Variants in HSP90B1 observed in about 807,000 individuals in gnomAD.
HSP90B1 encodes the protein heat shock protein 90 beta family member 1.
HSP90B1 carries 27 observed loss-of-function variants against 100.4 expected under a neutral mutation model. That is an observed-to-expected ratio of 0.27 (90% CI 0.20 to 0.37). The LOEUF is 0.37. Ranked by LOEUF, HSP90B1 falls within the 10% of genes least tolerant of loss-of-function variation. The probability of loss-of-function intolerance (pLI) is 1.00; values close to 1 mark genes in which losing one functional copy is unlikely to be tolerated. For missense variants in HSP90B1, 678 were observed against 960.5 expected, an observed-to-expected ratio of 0.71 and a Z score of 3.89; for synonymous variants, 304 against 330.8, an observed-to-expected ratio of 0.92 and a Z score of 0.88.
rs751992055 is a variant in HSP90B1 at position 103,934,287 on chromosome 12, C to T, written c.743C>T (p.Thr248Ile). 1.1e-5 allele frequency: 17 copies of T among 1,608,074 alleles called. No individual in the cohort carries two copies. Among genetic ancestry groups the T allele is most frequent in the Admixed American group, 1.7e-5 (1 of 59,946 alleles). The change falls in exon 5 of 18, where the codon ACC becomes ATC. Residue 248 changes from threonine to isoleucine, a missense_variant and splice_region_variant. Transcript: ENST00000299767. The stretch of plus-strand genomic sequence containing the variant: ...ACTCTAGGACGGGGAACGACAATTA[C>T]GTGAGTATGACCAATTCCTTATAAG... The part of the protein sequence containing the change: ...GNTLGRGTTI[T>I]LVLKEEASDY...
At chr12:103,934,444 G>T (rs1869848388) in intron 5 of HSP90B1, among the ~76,000 whole-genome samples, 157 bp downstream of exon 5, 1 of 152,200 alleles carries the variant, frequency 6.6e-6, no homozygotes, top group Non-Finnish European at 1.5e-5. Flanking sequence ...AATGTTTGAG[G>T]ACCTGCAAAG....
rs760632547 is a variant in HSP90B1 at position 103,946,850 on chromosome 12, G to T, written c.2171G>T (p.Arg724Leu). 1.9e-6 allele frequency: 3 copies of T among 1,613,902 alleles called. No individual in the cohort carries two copies. The highest frequency in any genetic ancestry group is 1.1e-5 in the South Asian group (1 of 91,072). ...GTTTTGTTTGAAACAGCAACGCTTC[G>T]GTCAGGGTATCTTTTACCAGACACT... ...AVVLFETATL[R>L]SGYLLPDTKA... is the part of the protein sequence containing the mutation. The change falls in exon 16 of 18, where the codon CGG (arginine) becomes CTG (leucine). Residue 724 changes from arginine (R) to leucine (L), a missense_variant. Physicochemically the swap from Arg to Leu is moderately radical, Grantham distance 102. This residue lies in a region of HSP90B1 where 64 missense variants were observed against 66.4 expected (regional missense o/e 0.96). Coordinates refer to ENST00000299767, the MANE Select transcript of HSP90B1 (RefSeq NM_003299.3).
rs113000101 is a variant in HSP90B1 at position 103,932,814 on chromosome 12, G to C, written c.295-12G>C. 7.5e-7 allele frequency: 1 copy of C among 1,332,522 alleles called. No homozygotes were observed. 82.5% of individuals were successfully genotyped at this position (1,332,522 alleles called of 1,614,324 possible). ...GGATAGTCTAAGTGTATTCCCTCTG[G>C]CTTCCATTTAGATTTTCCTGAGAGA... On this transcript the variant is annotated splice_polypyrimidine_tract_variant and intron_variant, in intron 3 of 17. Transcript: ENST00000299767.
chr12:103,930,526 T>C lies in HSP90B1; in HGVS notation c.11T>C (p.Leu4Pro). 6.2e-7 allele frequency: 1 copy of C among 1,609,422 alleles called. No homozygotes were observed. Among genetic ancestry groups the C allele is most frequent in the Non-Finnish European group, 8.5e-7 (1 of 1,178,062 alleles). The change falls in exon 1 of 18, where the codon CTG becomes CCG. Residue 4 changes from leucine (L) to proline (P), a missense_variant. Leu to Pro is a moderately conservative substitution (Grantham distance 98, BLOSUM62 -3). Coordinates refer to ENST00000299767, the MANE Select transcript of HSP90B1 (RefSeq NM_003299.3). The surrounding 1 kb of genome is among the most constrained non-coding windows in gnomAD (Gnocchi z 4.4). ...CACCGGCCGCACGCCATGAGGGCCC[T>C]GTGGGTGCTGGGCCTCTGCTGCGTC... Reference protein sequence around the residue: MRALWVLGLCCVLL... With the variant: MRAPWVLGLCCVLL...
chr12:103,931,862 T>C, intron 2 of HSP90B1: 1 of 533,674 alleles, frequency 1.9e-6, no homozygotes, highest in South Asian at 1.8e-5. Context: ...TGTAAGACTT[T>C]ATAGAAGATA....
chr12:103,939,935 C>G (rs943336746), intron 8 of HSP90B1, among the ~76,000 whole-genome samples: 12 of 152,194 alleles, frequency 7.9e-5, no homozygotes, highest in African/African-American at 2.9e-4. Context: ...ATACTCATCA[C>G]TACTTCAAAA....
At chr12:103,938,254 TGACC>T in intron 6 of HSP90B1, 82 bp from the exon 7 acceptor site, 1 of 1,231,820 alleles carries the variant, frequency 8.1e-7, no homozygotes. Context: ...ACCTATTTTT[TGACC>T]TGTAATGTTA....
intron 6 of HSP90B1, 27 bp downstream of exon 6, chr12:103,937,833 T>C (rs902021602): frequency 1.3e-5 from 15 of 1,123,642 alleles, no homozygotes; most frequent in Non-Finnish European, 1.7e-5. Flanking sequence ...TAAAAACTTA[T>C]ATGTATTACC....
Position 103,947,824 on chromosome 12 carries a change from ATTTTT to A in HSP90B1, c.*166_*170del. 1.5e-6 allele frequency: 1 copy of A among 678,384 alleles called. No individual in the cohort carries two copies. The highest frequency in any genetic ancestry group is 1.7e-5 in the South Asian group (1 of 60,586). The allele number at this position is 678,384 out of a possible 1,614,324, so 42.0% of individuals were successfully genotyped here. A position where few individuals can be genotyped will look rare whatever the true frequency, so the allele number is the denominator to read the frequency against. On this transcript the variant is annotated 3_prime_UTR_variant, in exon 18 of 18. Coordinates refer to ENST00000299767, the MANE Select transcript of HSP90B1 (RefSeq NM_003299.3). ...AGGAAAAAGTGGGTTTTTTAGTTGA[ATTTTT>A]TTTAACATTCCTCATGAATGTAAAT...
At chr12:103,936,338 A>G (rs978225254) in intron 5 of HSP90B1, among the ~76,000 whole-genome samples, 4 of 152,296 alleles carry the variant, frequency 2.6e-5, no homozygotes, top group African/African-American at 9.6e-5. Context: ...GCAGGCATAG[A>G]CAATACATAA....
chr12:103,940,034 A>G (rs1870028982), intron 8 of HSP90B1, among the ~76,000 whole-genome samples: 1 of 152,248 alleles, frequency 6.6e-6, no homozygotes. Context: ...ATGGCTGTTT[A>G]AACACAATTG....
At chr12:103,931,705 C>T (rs755985472) in intron 2 of HSP90B1, 82 bp downstream of exon 2, 2 of 982,710 alleles carry the variant, frequency 2.0e-6, no homozygotes, top group South Asian at 1.4e-5. Context: ...TATCTCTTCT[C>T]CAAAGGTCCA....
intron 5 of HSP90B1, among the ~76,000 whole-genome samples, chr12:103,936,130 C>T (rs888396433): frequency 2.0e-5 from 3 of 152,174 alleles, no homozygotes; most frequent in East Asian, 1.9e-4. Flanking sequence ...TCCACTGCCA[C>T]GGCCTCAGGT....
chr12:103,944,217 C>T (rs1870161765), intron 14 of HSP90B1, among the ~76,000 whole-genome samples: 1 of 152,084 alleles, frequency 6.6e-6, no homozygotes, highest in South Asian at 2.1e-4. Context: ...AGGTTAATGA[C>T]AACATTCCTC....
Position 103,941,447 on chromosome 12 carries a change from C to G in HSP90B1, c.1130C>G (p.Ala377Gly), listed in dbSNP as rs751672357. 3 of 1,612,878 alleles carry G rather than the reference C, an allele frequency of 1.9e-6. No homozygotes were observed. The South Asian group carries it at 3.3e-5, about 18-fold the overall frequency. Reference sequence around the variant, plus strand: ...CCCATGGCTTATATTCACTTTACTGCTGAAGGGGAAGTTACCTTCAAATCA... The same window carrying G: ...CCCATGGCTTATATTCACTTTACTGGTGAAGGGGAAGTTACCTTCAAATCA... ...DDPMAYIHFT[A>G]EGEVTFKSIL... Residue 377 changes from alanine (A) to glycine (G), a missense_variant, in exon 9 of 18, where the codon GCT becomes GGT. Ala to Gly is a moderately conservative substitution (Grantham distance 60, BLOSUM62 0). This residue lies in a region of HSP90B1 where 238 missense variants were observed against 346.7 expected (regional missense o/e 0.69). Transcript: ENST00000299767.
At chr12:103,937,379 C>T (rs17034946) in intron 5 of HSP90B1, among the ~76,000 whole-genome samples, 12,948 of 152,256 alleles carry the variant, frequency 0.085, 843 homozygotes, top group East Asian at 0.31. Flanking sequence ...TTCCATTTCT[C>T]TCCAGAATAT....
intron 5 of HSP90B1, among the ~76,000 whole-genome samples, chr12:103,934,668 G>A (rs71466286): frequency 0.019 from 2,906 of 152,246 alleles, 49 homozygotes; most frequent in South Asian, 0.057. Context: ...AGTTCTTTTC[G>A]GTGGCAGTTA....
rs757919459 is a variant in HSP90B1, at chr12:103,931,584, G to A, written c.113G>A (p.Ser38Asn). The change falls in exon 2 of 18, where the codon AGT becomes AAT. Residue 38 changes from serine to asparagine, a missense_variant. Ser to Asn is a conservative substitution (Grantham distance 46). Around this residue, in one of 8 missense-constraint regions of HSP90B1, gnomAD observed 88 missense variants for 88.2 expected, o/e 1.00. Transcript: ENST00000299767. Reference sequence around the variant, plus strand: ...ACAGTAGAAGAGGATCTGGGTAAAAGTAGAGAAGGATCAAGGACGGATGAT... The same window carrying A: ...ACAGTAGAAGAGGATCTGGGTAAAAATAGAGAAGGATCAAGGACGGATGAT... The part of the protein sequence containing the change: ...DGTVEEDLGK[S>N]REGSRTDDEV... The A allele has an allele frequency of 1.9e-6, 3 of 1,613,782 alleles. No individual in the cohort carries two copies. The highest frequency in any genetic ancestry group is 1.3e-5 in the African/African-American group (1 of 75,056).
intron 11 of HSP90B1, 94 bp from the exon 12 acceptor site, chr12:103,942,433 G>A (rs573040971): frequency 8.3e-5 from 93 of 1,123,390 alleles, no homozygotes; most frequent in Non-Finnish European, 1.0e-4. Flanking sequence ...TAACGATATC[G>A]TCTTTGTGTT....
Sources: gnomAD v4.1 joint callset for allele counts (sites outside exome capture counted in the v4.1 genomes callset) on GRCh38, gnomAD v4.1.1 for gene constraint, gnomAD v4.1.1 regional missense constraint, Gnocchi (gnomAD v3.1) non-coding constraint, MANE v1.5 for transcripts, NCBI Gene and HGNC (gene_info 2026-07-23, HGNC 2026-07-21) for gene names.